RTL4: variants seen among roughly 807,000 people sequenced by gnomAD.
RTL4 encodes retrotransposon Gag like 4, also known as retrotransposon Gag-like protein 4.
A neutral mutation model predicts 5.3 loss-of-function variants in RTL4; 4 were observed. That is an observed-to-expected ratio of 0.75 (90% confidence interval 0.37 to 1.72). RTL4 has a LOEUF of 1.72. Among genes scored for constraint, RTL4 ranks in the 40% most tolerant of loss-of-function variants. The pLI is 0.04. For synonymous variants in RTL4, 98 were observed against 87.3 expected (o/e 1.12, Z -0.68); for missense variants, 260 against 227.1 (o/e 1.14, Z -0.93).
At chrX:112,153,967 T>C in the RTL4 span, among the ~76,000 whole-genome samples, 1 of 111,195 alleles carries the variant, frequency 9.0e-6, no homozygotes, top group African/African-American at 3.3e-5. Context: ...CCCCATTATG[T>C]ATATGTTGAT....
chrX:112,274,365 A>G, the RTL4 span, among the ~76,000 whole-genome samples: 1 of 112,081 alleles, frequency 8.9e-6, no homozygotes, highest in Non-Finnish European at 1.9e-5. Context: ...AGAAGTAAGC[A>G]GTCTGTTCTG....
At chrX:112,115,416 G>A in the RTL4 span, among the ~76,000 whole-genome samples, 2 of 111,416 alleles carry the variant, frequency 1.8e-5, no homozygotes, top group African/African-American at 6.5e-5. Flanking sequence ...CCTTACCCTT[G>A]TCCTATAAAG....
At chrX:112,095,231 C>A in the RTL4 span, among the ~76,000 whole-genome samples, 1 of 111,221 alleles carries the variant, frequency 9.0e-6, no homozygotes, top group Middle Eastern at 4.7e-3. Flanking sequence ...TTCCTTCTGA[C>A]CCTTTTATAT....
At chrX:112,455,284 A>G in exon 1 of RTL4, 1 of 1,211,555 alleles carries the variant, frequency 8.3e-7, no homozygotes. Context: ...TCAGTTCGAA[A>G]AGGCACTAGC....
the RTL4 span, among the ~76,000 whole-genome samples, chrX:112,305,794 A>G: frequency 1.8e-5 from 2 of 112,193 alleles, no homozygotes; most frequent in Non-Finnish European, 3.8e-5. Flanking sequence ...TCAGAGGGAC[A>G]TTGTGTAATT....
chrX:112,229,781 T>G, the RTL4 span, among the ~76,000 whole-genome samples: 3 of 112,302 alleles, frequency 2.7e-5, no homozygotes, highest in Admixed American at 1.9e-4. Flanking sequence ...TGTTGGAGTT[T>G]ACTGGAGGTC....
chrX:112,299,776 A>G, the RTL4 span, among the ~76,000 whole-genome samples: 4 of 111,794 alleles, frequency 3.6e-5, no homozygotes, highest in Middle Eastern at 4.6e-3. Flanking sequence ...CTTCTCAGGA[A>G]CTTGATGCCA....
At chrX:112,329,328 T>A in the RTL4 span, among the ~76,000 whole-genome samples, 4 of 110,746 alleles carry the variant, frequency 3.6e-5, no homozygotes, top group African/African-American at 9.9e-5. Context: ...AAAGGGGATA[T>A]CACCACCGAT....
At chrX:112,144,739 T>G in the RTL4 span, among the ~76,000 whole-genome samples, 1 of 111,749 alleles carries the variant, frequency 8.9e-6, no homozygotes, top group Non-Finnish European at 1.9e-5. Context: ...CATCCCACTT[T>G]GCTAGAAGCT....
At chrX:112,215,824 T>C in the RTL4 span, among the ~76,000 whole-genome samples, 1 of 111,893 alleles carries the variant, frequency 8.9e-6, no homozygotes, top group South Asian at 3.7e-4. Flanking sequence ...GTGATATTGC[T>C]GCATCATATG....
chrX:112,187,827 C>T, the RTL4 span, among the ~76,000 whole-genome samples: 22 of 111,965 alleles, frequency 2.0e-4, 1 homozygote, highest in Admixed American at 1.5e-3. Flanking sequence ...AGGACATCAA[C>T]TGCCAAACAA....
chrX:112,290,084 G>A, the RTL4 span, among the ~76,000 whole-genome samples: 14 of 111,609 alleles, frequency 1.3e-4, no homozygotes, highest in African/African-American at 4.6e-4. Flanking sequence ...GAGTGTGTAT[G>A]TCAGAGAGCA....
At chrX:112,335,532 G>A in the RTL4 span, among the ~76,000 whole-genome samples, 3 of 110,364 alleles carry the variant, frequency 2.7e-5, no homozygotes, top group Non-Finnish European at 5.7e-5. Context: ...TTCTCCTATC[G>A]TGATGATATT....
chrX:112,328,947 T>G, the RTL4 span, among the ~76,000 whole-genome samples: 1 of 111,867 alleles, frequency 8.9e-6, no homozygotes, highest in African/African-American at 3.3e-5. Context: ...ATAAAGATGT[T>G]CTTTGAAACC....
the RTL4 span, among the ~76,000 whole-genome samples, chrX:112,242,523 T>C: frequency 8.9e-6 from 1 of 111,878 alleles, no homozygotes; most frequent in Non-Finnish European, 1.9e-5. Context: ...ATAAGAATGC[T>C]TGTGATTTTT....
the RTL4 span, among the ~76,000 whole-genome samples, chrX:112,155,256 A>T: frequency 9.0e-6 from 1 of 110,623 alleles, no homozygotes; most frequent in African/African-American, 3.3e-5. Context: ...GAAGCTTTTC[A>T]AAGCTTACTG....
At chrX:112,083,966 A>C in the RTL4 span, among the ~76,000 whole-genome samples, 1 of 110,672 alleles carries the variant, frequency 9.0e-6, no homozygotes, top group African/African-American at 3.3e-5. Context: ...GGAAAGGGGC[A>C]TGTGAGTCTC....
chrX:112,224,220 T>C, the RTL4 span, among the ~76,000 whole-genome samples: 1 of 111,669 alleles, frequency 9.0e-6, no homozygotes, highest in Non-Finnish European at 1.9e-5. Flanking sequence ...TAGCACAGCT[T>C]CATATTTTGG....
chrX:112,308,817 A>G, the RTL4 span, among the ~76,000 whole-genome samples: 1 of 111,339 alleles, frequency 9.0e-6, no homozygotes, highest in Non-Finnish European at 1.9e-5. Flanking sequence ...TTGAAACCCC[A>G]GATGTAATAA....
Sources: allele counts gnomAD v4.1 joint callset (sites outside exome capture counted in the v4.1 genomes callset), GRCh38; gene constraint gnomAD v4.1.1; transcripts MANE v1.5; gene names NCBI Gene and HGNC (gene_info 2026-07-23, HGNC 2026-07-21).